Variants in TCF7 observed in about 807,000 individuals in gnomAD.
TCF7 encodes the protein transcription factor 7.
In TCF7, 19 loss-of-function variants were observed where a neutral mutation model predicts 46.8. That is an observed-to-expected ratio of 0.41 (90% CI 0.28 to 0.60). The LOEUF is 0.60. TCF7 is among the 20% of genes least tolerant of loss of function. The probability of loss-of-function intolerance (pLI) is 0.35; values close to 1 mark genes in which losing one functional copy is unlikely to be tolerated. For missense variants in TCF7, 547 were observed against 504.6 expected, an observed-to-expected ratio of 1.08 and a Z score of -0.81; for synonymous variants, 245 against 213.4, an observed-to-expected ratio of 1.15 and a Z score of -1.29.
At chr5:134,143,205 C>A in intron 8 of TCF7, 105 bp downstream of exon 8, 1 of 1,280,690 alleles carries the variant, frequency 7.8e-7, no homozygotes, top group Non-Finnish European at 1.1e-6. Flanking sequence ...GTCCTGAAGG[C>A]ACCGATGAGG....
intron 3 of TCF7, among the ~76,000 whole-genome samples, chr5:134,133,555 G>A (rs1188041406): frequency 3.9e-5 from 6 of 152,190 alleles, no homozygotes; most frequent in African/African-American, 1.4e-4. Flanking sequence ...CACTGGGCGA[G>A]GGGGACATGG....
chr5:134,115,307 G>A lies in TCF7; in HGVS notation c.250-14G>A. Reference sequence around the variant, plus strand: ...GTCCCACCGCCCCTCACTCCCCTCCGGTTCTCCCTCCAGGCTCTCGGGCGG... The same window carrying A: ...GTCCCACCGCCCCTCACTCCCCTCCAGTTCTCCCTCCAGGCTCTCGGGCGG... On this transcript the variant is annotated splice_polypyrimidine_tract_variant and intron_variant, in intron 1 of 9. Transcript: ENST00000342854. 6.4e-7 allele frequency: 1 copy of A among 1,551,506 alleles called. No homozygotes were observed. Among genetic ancestry groups the A allele is most frequent in the Non-Finnish European group, 8.7e-7 (1 of 1,148,260 alleles).
At position 134,142,263 on chromosome 5, in the gene TCF7, C is replaced by T. The variant is rs146505961; in HGVS notation, c.714C>T (p.Pro238=). Residue 238 remains proline, a synonymous_variant, in exon 6 of 10, where the codon CCC becomes CCT. Coordinates refer to ENST00000342854, the MANE Select transcript of TCF7 (RefSeq NM_003202.5). ...PAAIPHPAIV[P]PSGKQELQPF... is the part of the protein sequence containing the mutation. ...CCATCCCCCACCCGGCCATTGTGCCCCCCTCAGGGAAGCAGGAGCTGCAGC... is the reference window on the plus strand; with the variant it reads ...CCATCCCCCACCCGGCCATTGTGCCTCCCTCAGGGAAGCAGGAGCTGCAGC... The T allele has an allele frequency of 4.0e-4, 644 of 1,605,354 alleles. 1 individual carries two copies. The highest frequency in any genetic ancestry group is 3.5e-3 in the African/African-American group (265 of 74,828).
chr5:134,118,337 T>G (rs553110322), intron 3 of TCF7, among the ~76,000 whole-genome samples: 14 of 152,156 alleles, frequency 9.2e-5, no homozygotes, highest in Non-Finnish European at 1.9e-4. Context: ...GCCACAGGCC[T>G]TAGATCCAGG....
intron 5 of TCF7, among the ~76,000 whole-genome samples, chr5:134,140,248 C>T (rs1411587338): frequency 1.3e-5 from 2 of 152,190 alleles, no homozygotes; most frequent in African/African-American, 4.8e-5. Context: ...GCCAACTGAT[C>T]GTTAGGTCCC....
Position 134,143,107 on chromosome 5 carries a change from G to A in TCF7, c.1026+7G>A. On this transcript the variant is annotated splice_region_variant and intron_variant, in intron 8 of 9. Coordinates refer to ENST00000342854, the MANE Select transcript of TCF7 (RefSeq NM_003202.5). ...GTCAGCGCGGGACAACTACGTGAGT[G>A]CCTAGTGACACACAGCAGGGGTGGG... 1 of 1,597,322 alleles carries A rather than the reference G, an allele frequency of 6.3e-7. No individual in the cohort carries two copies. Among genetic ancestry groups the A allele is most frequent in the Non-Finnish European group, 8.5e-7 (1 of 1,172,186 alleles).
chr5:134,138,497 G>T, intron 4 of TCF7: 1 of 311,994 alleles, frequency 3.2e-6, no homozygotes, highest in Non-Finnish European at 5.9e-6. Context: ...GGTTGTGATG[G>T]CTGATTCACC....
intron 3 of TCF7, among the ~76,000 whole-genome samples, chr5:134,120,093 A>G (rs2149279883): frequency 6.6e-6 from 1 of 152,112 alleles, no homozygotes; most frequent in South Asian, 2.1e-4. Context: ...CTGGCTGTGA[A>G]GGGGGGCCCA....
In TCF7 at chr5:134,115,077, C is replaced by T. The variant is rs1400080661; in HGVS notation, c.171C>T (p.Asn57=). The part of the protein sequence containing the change: ...DLAELKSSLV[N]ESEGAAGGAG... The stretch of plus-strand genomic sequence containing the variant: ...CCGAGCTCAAGTCGTCGCTCGTGAA[C>T]GAGTCCGAGGGCGCGGCCGGCGGCG... The change falls in exon 1 of 10, where the codon AAC becomes AAT. Residue 57 remains asparagine, a synonymous_variant. Coordinates refer to ENST00000342854, the MANE Select transcript of TCF7 (RefSeq NM_003202.5). The T allele has an allele frequency of 8.6e-7, 1 of 1,158,390 alleles. No homozygotes were observed. Among genetic ancestry groups the T allele is most frequent in the Admixed American group, 3.2e-5 (1 of 30,958 alleles). The allele number at this position is 1,158,390 out of a possible 1,614,324, so 71.8% of individuals were successfully genotyped here.
At chr5:134,108,947 C>T in the TCF7 span, among the ~76,000 whole-genome samples, 2 of 152,192 alleles carry the variant, frequency 1.3e-5, no homozygotes, top group African/African-American at 4.8e-5. Context: ...CTCCAGGAAG[C>T]CCTCCCTAAC....
At chr5:134,113,768 C>A (rs1307687871), upstream of TCF7, among the ~76,000 whole-genome samples, 1 of 152,252 alleles carries the variant, frequency 6.6e-6, no homozygotes, top group Non-Finnish European at 1.5e-5. Context: ...CTCCGCAAAT[C>A]TAGATGTTTC....
intron 4 of TCF7, chr5:134,138,624 G>A (rs1759265098): frequency 3.1e-6 from 1 of 320,572 alleles, no homozygotes; most frequent in Non-Finnish European, 5.8e-6. Flanking sequence ...CCCTAGACCA[G>A]GGGCCTGCCT....
At position 134,146,001 on chromosome 5, in the gene TCF7, A is replaced by C. The variant is rs191126261; in HGVS notation, c.1076-223A>C. 1,670 of 1,483,336 alleles carry C rather than the reference A, an allele frequency of 1.1e-3. 4 individuals carry two copies. The highest frequency in any genetic ancestry group is 1.4e-3 in the Non-Finnish European group (1,556 of 1,126,390). 91.9% of individuals were successfully genotyped at this position (1,483,336 alleles called of 1,614,324 possible). A position where few individuals can be genotyped will look rare whatever the true frequency, so the allele number is the denominator to read the frequency against. On this transcript the variant is annotated intron_variant, in intron 9 of 9. Coordinates refer to ENST00000342854, the MANE Select transcript of TCF7 (RefSeq NM_003202.5). ...TGACAGCCCATAGGCCTAGTGACAA[A>C]AGGCCCCTTTGCCACCTTGTGGCTG...
chr5:134,129,525 G>T (rs1757814078), intron 3 of TCF7, among the ~76,000 whole-genome samples: 4 of 152,220 alleles, frequency 2.6e-5, no homozygotes. Flanking sequence ...TCCAGGCTGT[G>T]TTGGTAGCAT....
intron 5 of TCF7, 145 bp from the exon 6 acceptor site, chr5:134,142,040 G>T: frequency 8.9e-7 from 1 of 1,120,028 alleles, no homozygotes; most frequent in Non-Finnish European, 1.3e-6. Flanking sequence ...ATTTATCTCT[G>T]TGTACTTATG....
At chr5:134,143,796 TC>T in intron 9 of TCF7, 156 bp downstream of exon 9, 1 of 774,542 alleles carries the variant, frequency 1.3e-6, no homozygotes, top group Non-Finnish European at 2.0e-6. Context: ...CAAGTCAAAT[TC>T]CCATGCAAGA....
At chr5:134,128,389 C>T (rs981416023) in intron 3 of TCF7, among the ~76,000 whole-genome samples, 1 of 152,016 alleles carries the variant, frequency 6.6e-6, no homozygotes, top group African/African-American at 2.4e-5. Flanking sequence ...GGCAGCAGCA[C>T]CCCAGGGCCT....
intron 3 of TCF7, among the ~76,000 whole-genome samples, chr5:134,116,725 G>A (rs1254306813): frequency 6.6e-6 from 1 of 152,236 alleles, no homozygotes; most frequent in Non-Finnish European, 1.5e-5. Flanking sequence ...AAGATTTCAT[G>A]ATCTTTACAA....
chr5:134,142,476 C>T (rs923249486), intron 6 of TCF7, among the ~76,000 whole-genome samples, 172 bp downstream of exon 6: 5 of 152,136 alleles, frequency 3.3e-5, no homozygotes, highest in Admixed American at 6.5e-5. Context: ...AAGGATTTTT[C>T]TGAGCCAACA....
Sources: gnomAD v4.1 joint callset for allele counts (sites outside exome capture counted in the v4.1 genomes callset) on GRCh38, gnomAD v4.1.1 for gene constraint, MANE v1.5 for transcripts, NCBI Gene and HGNC (gene_info 2026-07-23, HGNC 2026-07-21) for gene names.